CCNYL1: variants seen among roughly 807,000 people sequenced by gnomAD.
CCNYL1 encodes the protein cyclin-Y-like protein 1.
Under a neutral mutation model 44.2 loss-of-function variants are expected in CCNYL1, and 16 were observed. The observed-to-expected ratio is 0.36, with a 90% CI of 0.25 to 0.55. CCNYL1 has a LOEUF of 0.55. Among genes scored for constraint, CCNYL1 ranks in the 20% least tolerant of loss-of-function variants. CCNYL1 has a pLI of 0.85. For missense variants in CCNYL1, 348 were observed against 451.8 expected (o/e 0.77, Z 2.08); for synonymous variants, 159 against 163.2 (o/e 0.97, Z 0.20).
rs375999071 is a variant in CCNYL1, at chr2:207,712,134, G to A, written c.220+18G>A. 3 of 1,590,258 alleles carry A rather than the reference G, an allele frequency of 1.9e-6. No homozygotes were observed. The highest frequency in any genetic ancestry group is 2.6e-6 in the Non-Finnish European group (3 of 1,168,898). On this transcript the variant is annotated intron_variant, in intron 1 of 9. Coordinates refer to ENST00000295414, the MANE Select transcript of CCNYL1 (RefSeq NM_001330218.2). ...GCCCGAAGGTAAGGAGGCGGCGGAT[G>A]CCATCCGCCCTCGGGCTCACCTCTG... is the stretch of plus-strand genomic sequence containing the variant.
At chr2:207,717,134 A>G (rs1237659907) in intron 1 of CCNYL1, among the ~76,000 whole-genome samples, 2 of 150,056 alleles carry the variant, frequency 1.3e-5, no homozygotes, top group Non-Finnish European at 1.5e-5. Context: ...AAAAGTTCTT[A>G]TGTCAAATTG....
intron 1 of CCNYL1, among the ~76,000 whole-genome samples, chr2:207,724,115 A>G (rs2091662148): frequency 6.6e-6 from 1 of 152,168 alleles, no homozygotes; most frequent in African/African-American, 2.4e-5. Flanking sequence ...GATCTGCTTT[A>G]AAACGTACTC....
intron 5 of CCNYL1, among the ~76,000 whole-genome samples, 170 bp downstream of exon 5, chr2:207,737,616 T>C (rs1254948461): frequency 1.3e-5 from 2 of 152,188 alleles, no homozygotes; most frequent in African/African-American, 4.8e-5. Context: ...ATTATTAAAT[T>C]ACTGAGGATC....
At chr2:207,718,625 C>T (rs986536470) in intron 1 of CCNYL1, among the ~76,000 whole-genome samples, 3 of 152,002 alleles carry the variant, frequency 2.0e-5, no homozygotes, top group Admixed American at 6.6e-5. Context: ...GAAATACAAA[C>T]GAAAACTGTG....
chr2:207,741,447 T>C (rs926801345), intron 6 of CCNYL1, among the ~76,000 whole-genome samples: 1 of 152,212 alleles, frequency 6.6e-6, no homozygotes, highest in Non-Finnish European at 1.5e-5. Context: ...CACTATGATA[T>C]TTTAAGATCC....
chr2:207,746,428 A>G (rs1281857668), intron 7 of CCNYL1, among the ~76,000 whole-genome samples: 1 of 152,224 alleles, frequency 6.6e-6, no homozygotes, highest in Non-Finnish European at 1.5e-5. Context: ...CTCATTATTT[A>G]TTGAACAACT....
At chr2:207,743,241 G>A (rs1037663352) in intron 7 of CCNYL1, among the ~76,000 whole-genome samples, 1 of 152,194 alleles carries the variant, frequency 6.6e-6, no homozygotes, top group African/African-American at 2.4e-5. Context: ...CAGGAGTGGT[G>A]CTTCCAGATG....
intron 1 of CCNYL1, among the ~76,000 whole-genome samples, chr2:207,712,412 C>T (rs1053874860): frequency 1.3e-5 from 2 of 152,208 alleles, no homozygotes; most frequent in African/African-American, 4.8e-5. Flanking sequence ...TGTTCATTGT[C>T]TGGTGGGACT....
At chr2:207,734,806 TCTA>T (rs1282905346) in intron 4 of CCNYL1, among the ~76,000 whole-genome samples, 21 of 152,328 alleles carry the variant, frequency 1.4e-4, no homozygotes, top group Admixed American at 9.1e-4. Flanking sequence ...GTCAGTAACT[TCTA>T]CTTTAAAAGC....
chr2:207,722,173 A>G (rs1575210520), intron 1 of CCNYL1, among the ~76,000 whole-genome samples: 1 of 151,408 alleles, frequency 6.6e-6, no homozygotes, highest in African/African-American at 2.4e-5. Flanking sequence ...CCTGGGTTCA[A>G]GCGATTCTTC....
intron 1 of CCNYL1, among the ~76,000 whole-genome samples, chr2:207,721,744 T>G (rs192683788): frequency 5.9e-5 from 9 of 152,086 alleles, no homozygotes; most frequent in East Asian, 3.9e-4. Flanking sequence ...GTTTTTTTTT[T>G]TTTTGTTTTG....
intron 8 of CCNYL1, 23 bp downstream of exon 8, chr2:207,747,236 A>G: frequency 6.3e-7 from 1 of 1,585,808 alleles, no homozygotes; most frequent in Non-Finnish European, 8.6e-7. Flanking sequence ...GGTTTTGGTG[A>G]ACTTTCTAAC....
chr2:207,737,393 T>G lies in CCNYL1; in HGVS notation c.432-18T>G. ...GTTTAAATCAGTTGTTAAAAATAATTTTTTTTTCCCTTCACAGTGTGACCT... is the reference window on the plus strand; with the variant it reads ...GTTTAAATCAGTTGTTAAAAATAATGTTTTTTTCCCTTCACAGTGTGACCT... On this transcript the variant is annotated intron_variant, in intron 4 of 9. Transcript: ENST00000295414. 1 of 1,592,818 alleles carries G rather than the reference T, an allele frequency of 6.3e-7. No individual in the cohort carries two copies. Among genetic ancestry groups the G allele is most frequent in the African/African-American group, 1.3e-5 (1 of 74,602 alleles).
In CCNYL1 at chr2:207,753,928, A is replaced by G. The variant is rs1253920903; in HGVS notation, c.*230A>G. The G allele has an allele frequency of 7.4e-6, 3 of 406,640 alleles. No homozygotes were observed. In the East Asian group the frequency reaches 1.2e-4, roughly 16 times the overall value. 25.2% of individuals were successfully genotyped at this position (406,640 alleles called of 1,614,324 possible). A position where few individuals can be genotyped will look rare whatever the true frequency, so the allele number is the denominator to read the frequency against. On this transcript the variant is annotated 3_prime_UTR_variant, in exon 10 of 10. Coordinates refer to ENST00000295414, the MANE Select transcript of CCNYL1 (RefSeq NM_001330218.2). ...TTTTAATGTAAACAGAGTTACAAAAACCACTCCAAAGTGAAGGCTCCCATC... is the reference window on the plus strand; with the variant it reads ...TTTTAATGTAAACAGAGTTACAAAAGCCACTCCAAAGTGAAGGCTCCCATC...
Position 207,712,129 on chromosome 2 carries a change from C to T in CCNYL1, c.220+13C>T, listed in dbSNP as rs200665125. On this transcript the variant is annotated intron_variant, in intron 1 of 9. Transcript: ENST00000295414. Reference sequence around the variant, plus strand: ...GAGATGCCCGAAGGTAAGGAGGCGGCGGATGCCATCCGCCCTCGGGCTCAC... The same window carrying T: ...GAGATGCCCGAAGGTAAGGAGGCGGTGGATGCCATCCGCCCTCGGGCTCAC... 31 of 1,591,740 alleles carry T rather than the reference C, an allele frequency of 1.9e-5. No homozygotes were observed. The African/African-American group carries it at 4.0e-4, about 20-fold the overall frequency.
intron 1 of CCNYL1, among the ~76,000 whole-genome samples, chr2:207,715,639 C>G (rs1312959783): frequency 1.3e-5 from 2 of 151,116 alleles, no homozygotes; most frequent in African/African-American, 4.9e-5. Context: ...CTTGGCCTCC[C>G]AAAGTGCTGG....
At chr2:207,729,752 C>T (rs1375579721) in intron 3 of CCNYL1, among the ~76,000 whole-genome samples, 1 of 151,948 alleles carries the variant, frequency 6.6e-6, no homozygotes, top group Non-Finnish European at 1.5e-5. Flanking sequence ...GTCATCCATA[C>T]TGGAGTGCAG....
At chr2:207,752,278 AC>A (rs1044138547) in intron 9 of CCNYL1, among the ~76,000 whole-genome samples, 1 of 152,198 alleles carries the variant, frequency 6.6e-6, no homozygotes, top group African/African-American at 2.4e-5. Flanking sequence ...ATGGTGGCTC[AC>A]ACCTGTAATT....
chr2:207,726,646 A>G (rs2091682244), intron 2 of CCNYL1, among the ~76,000 whole-genome samples, 196 bp from the exon 3 acceptor site: 1 of 152,232 alleles, frequency 6.6e-6, no homozygotes, highest in Non-Finnish European at 1.5e-5. Context: ...GTCAGTTCAA[A>G]AAGTAAAACT....
Sources: allele counts gnomAD v4.1 joint callset (sites outside exome capture counted in the v4.1 genomes callset), GRCh38; gene constraint gnomAD v4.1.1; transcripts MANE v1.5; gene names NCBI Gene and HGNC (gene_info 2026-07-23, HGNC 2026-07-21).